The following SUCLG2 variants were observed in gnomAD, a reference collection of about 807,000 sequenced individuals.
The protein encoded by SUCLG2 is succinate--CoA ligase [GDP-forming] subunit beta, mitochondrial.
In SUCLG2, 42 loss-of-function variants were observed where a neutral mutation model predicts 47.9. The observed-to-expected ratio is 0.88, with a 90% CI of 0.69 to 1.14. The LOEUF (loss-of-function observed/expected upper bound fraction) is 1.14, where lower values mean the gene tolerates loss of function less well. Ranked by LOEUF, SUCLG2 falls within the 50% of genes most tolerant of loss-of-function variation. The pLI is 0.00. For missense variants in SUCLG2, 571 were observed against 525.9 expected, an observed-to-expected ratio of 1.09 and a Z score of -0.84; for synonymous variants, 195 against 197.3, an observed-to-expected ratio of 0.99 and a Z score of 0.10.
chr3:67,366,687 G>C (rs983430499), intron 10 of SUCLG2, among the ~76,000 whole-genome samples: 6 of 152,154 alleles, frequency 3.9e-5, no homozygotes, highest in Admixed American at 3.3e-4. Context: ...TGCAGCCTGA[G>C]CACTCATAGG....
At chr3:67,610,440 CT>C (rs1056189178) in intron 1 of SUCLG2, among the ~76,000 whole-genome samples, 35 of 151,898 alleles carry the variant, frequency 2.3e-4, no homozygotes, top group African/African-American at 8.4e-4. Context: ...AAATAAATTC[CT>C]TACATTTTAT....
chr3:67,448,826 G>A (rs1232959358), intron 9 of SUCLG2, among the ~76,000 whole-genome samples: 1 of 151,800 alleles, frequency 6.6e-6, no homozygotes, highest in East Asian at 1.9e-4. Context: ...GTGTAAAAAA[G>A]GTTTTTTTTT....
chr3:67,521,840 G>GT (rs1207753970), intron 4 of SUCLG2, among the ~76,000 whole-genome samples: 1 of 151,770 alleles, frequency 6.6e-6, no homozygotes, highest in Non-Finnish European at 1.5e-5. Context: ...GGCTGGTCTT[G>GT]AACTGCTGAC....
At chr3:67,380,339 G>T (rs1215393566) in intron 10 of SUCLG2, among the ~76,000 whole-genome samples, 1 of 152,022 alleles carries the variant, frequency 6.6e-6, no homozygotes, top group Non-Finnish European at 1.5e-5. Flanking sequence ...GTCAAGTGAG[G>T]CCTTGCTCCA....
At chr3:67,395,843 A>G (rs1268876073) in intron 10 of SUCLG2, among the ~76,000 whole-genome samples, 1 of 152,240 alleles carries the variant, frequency 6.6e-6, no homozygotes, top group African/African-American at 2.4e-5. Flanking sequence ...AGTGCAATCA[A>G]ACTAGAACTC....
chr3:67,651,798 C>T (rs1701290364), intron 1 of SUCLG2, among the ~76,000 whole-genome samples: 1 of 152,182 alleles, frequency 6.6e-6, no homozygotes, highest in South Asian at 2.1e-4. Flanking sequence ...CAAAAACACA[C>T]CATATCAAAT....
intron 9 of SUCLG2, among the ~76,000 whole-genome samples, chr3:67,402,309 G>GGCAGGTTACCTAGAGA (rs58345502): frequency 0.54 from 82,230 of 151,928 alleles, 22,728 homozygotes; most frequent in Middle Eastern, 0.7. Context: ...GATGAAAGTG[G>GGCAGGTTACCTAGAGA]GCAAGTAAGA....
chr3:67,532,805 C>CT (rs1468136770), intron 2 of SUCLG2, among the ~76,000 whole-genome samples: 1 of 152,064 alleles, frequency 6.6e-6, no homozygotes, highest in Non-Finnish European at 1.5e-5. Context: ...ACTCTGTGGT[C>CT]TTTTTTTAGT....
At chr3:67,489,383 C>T (rs1178204528) in intron 9 of SUCLG2, among the ~76,000 whole-genome samples, 3 of 152,116 alleles carry the variant, frequency 2.0e-5, no homozygotes, top group Non-Finnish European at 4.4e-5. Flanking sequence ...AGAGTGACTT[C>T]CCTAAATAAA....
intron 9 of SUCLG2, among the ~76,000 whole-genome samples, chr3:67,467,557 AACAAGTATAG>A (rs1704504392): frequency 6.6e-6 from 1 of 152,208 alleles, no homozygotes; most frequent in African/African-American, 2.4e-5. Flanking sequence ...TTTTACCTTG[AACAAGTATAG>A]GATAGGATAT....
chr3:67,543,321 T>G (rs1706767134), intron 2 of SUCLG2, among the ~76,000 whole-genome samples: 1 of 152,196 alleles, frequency 6.6e-6, no homozygotes. Context: ...AAAATACACC[T>G]GTAAACAGTT....
chr3:67,442,592 G>GT lies in SUCLG2; in HGVS notation c.1063-41742dup, dbSNP rs551716622. Among the ~76,000 whole-genome samples the GT allele has an allele frequency of 1.0e-3, 158 of 152,272 alleles. 6 individuals are homozygous for GT. The South Asian group carries it at 0.033, about 31-fold the overall frequency. Reference sequence around the variant, plus strand: ...TTTGTTCCTACTGATGGCTGAAAGTGTTTTTCAGATATGACCAAAGACTTT... The same window carrying GT: ...TTTGTTCCTACTGATGGCTGAAAGTGTTTTTTCAGATATGACCAAAGACTTT... On this transcript the variant is annotated intron_variant, in intron 9 of 10. Transcript: ENST00000307227.
intron 10 of SUCLG2, among the ~76,000 whole-genome samples, chr3:67,384,696 C>T (rs1246137836): frequency 1.3e-5 from 2 of 152,130 alleles, no homozygotes; most frequent in Non-Finnish European, 2.9e-5. Flanking sequence ...AGAAAAAAAC[C>T]CACCTATGGT....
intron 9 of SUCLG2, among the ~76,000 whole-genome samples, chr3:67,461,556 C>A (rs904102080): frequency 6.6e-6 from 1 of 151,416 alleles, no homozygotes; most frequent in Non-Finnish European, 1.5e-5. Flanking sequence ...CCATCTAGTA[C>A]TAGTACTAGT....
chr3:67,417,666 G>C (rs1559518483), intron 9 of SUCLG2, among the ~76,000 whole-genome samples: 1 of 152,154 alleles, frequency 6.6e-6, no homozygotes, highest in Non-Finnish European at 1.5e-5. Context: ...TAAGAGTGAA[G>C]GCTGAATGAT....
At chr3:67,470,289 G>A (rs908616553) in intron 9 of SUCLG2, among the ~76,000 whole-genome samples, 1 of 152,168 alleles carries the variant, frequency 6.6e-6, no homozygotes, top group Non-Finnish European at 1.5e-5. Context: ...CCAAAAATGT[G>A]CACATAATGA....
At chr3:67,454,556 T>C (rs1293467666) in intron 9 of SUCLG2, among the ~76,000 whole-genome samples, 1 of 152,204 alleles carries the variant, frequency 6.6e-6, no homozygotes, top group Non-Finnish European at 1.5e-5. Context: ...TATACATATA[T>C]AGATAGATGG....
At chr3:67,494,667 C>T (rs1369051397) in intron 9 of SUCLG2, among the ~76,000 whole-genome samples, 2 of 152,034 alleles carry the variant, frequency 1.3e-5, no homozygotes, top group African/African-American at 4.8e-5. Flanking sequence ...AGTTTTATAT[C>T]AAATTGTTGT....
intron 9 of SUCLG2, among the ~76,000 whole-genome samples, chr3:67,442,835 A>C (rs754449279): frequency 6.6e-6 from 1 of 152,148 alleles, no homozygotes; most frequent in African/African-American, 2.4e-5. Context: ...CCCTGTAATT[A>C]ATCATTTCCC....
Sources: allele counts gnomAD v4.1 joint callset (sites outside exome capture counted in the v4.1 genomes callset), GRCh38; gene constraint gnomAD v4.1.1; transcripts MANE v1.5; gene names NCBI Gene and HGNC (gene_info 2026-07-23, HGNC 2026-07-21).